Variants in BHLHE22 observed in about 807,000 individuals in gnomAD.
BHLHE22 encodes the protein basic helix-loop-helix family member e22, also known as class E basic helix-loop-helix protein 22.
BHLHE22 carries 8 observed loss-of-function variants against 17.6 expected under a neutral mutation model. The observed-to-expected ratio is 0.45, with a 90% CI of 0.27 to 0.82. BHLHE22 has a LOEUF of 0.82. BHLHE22 is among the 40% of genes least tolerant of loss of function. The pLI, the probability that BHLHE22 is intolerant of heterozygous loss-of-function variation, is 0.16. For synonymous variants in BHLHE22, 353 were observed against 282.7 expected, an observed-to-expected ratio of 1.25 and a Z score of -2.49; for missense variants, 570 against 581.5, an observed-to-expected ratio of 0.98 and a Z score of 0.20.
In BHLHE22 at chr8:64,581,753, G is replaced by A; in HGVS notation, c.963G>A (p.Leu321=). 1 of 1,598,056 alleles carries A rather than the reference G, an allele frequency of 6.3e-7. No homozygotes were observed. The highest frequency in any genetic ancestry group is 8.5e-7 in the Non-Finnish European group (1 of 1,174,564). The change falls in exon 1 of 1, where the codon CTG becomes CTA. Residue 321 remains leucine (L), a synonymous_variant. Transcript: ENST00000321870. The surrounding 1 kb of genome is among the most constrained non-coding windows in gnomAD (Gnocchi z 6.4). Reference sequence around the variant, plus strand: ...GCCAGGCCATCTCGGCTGCCTCCCTGCCCAGCTCGGCGGCTGCAGCGGCAG... The same window carrying A: ...GCCAGGCCATCTCGGCTGCCTCCCTACCCAGCTCGGCGGCTGCAGCGGCAG... The part of the protein sequence containing the change: ...NQGQAISAAS[L]PSSAAAAAAA...
rs1312583116 is a variant in BHLHE22 at position 64,581,193 on chromosome 8, CG to C, written c.407del (p.Gly136AlafsTer29). ...LCLKYGESAS[R>X]GSVAESSGGE... ...CCTCAAGTACGGCGAAAGCGCGAGC[CG>C]GGGCTCGGTGGCCGAGAGCAGCGGC... On this transcript the variant is annotated frameshift_variant, in exon 1 of 1. Transcript: ENST00000321870. LOFTEE classifies it high-confidence loss of function. This position sits in a 1 kb window ranked among gnomAD's most constrained non-coding sequence, Gnocchi z 6.4. 7.0e-7 allele frequency: 1 copy of C among 1,436,062 alleles called. No individual in the cohort carries two copies. The highest frequency in any genetic ancestry group is 2.8e-5 in the Admixed American group (1 of 35,164). The allele number at this position is 1,436,062 out of a possible 1,614,324, so 89.0% of individuals were successfully genotyped here. A position where few individuals can be genotyped will look rare whatever the true frequency, so the allele number is the denominator to read the frequency against.
At position 64,581,618 on chromosome 8, in the gene BHLHE22, G is replaced by T. The variant is rs555112888; in HGVS notation, c.828G>T (p.Ser276=). The T allele has an allele frequency of 6.2e-7, 1 of 1,613,152 alleles. No homozygotes were observed. Among genetic ancestry groups the T allele is most frequent in the Non-Finnish European group, 8.5e-7 (1 of 1,179,848 alleles). ...RAVIPYAHSP[S]VRKLSKIATL... is the part of the protein sequence containing the mutation. ...TGATCCCCTACGCGCACAGCCCCTC[G>T]GTGCGAAAGCTCTCCAAGATCGCCA... Residue 276 remains serine, a synonymous_variant, in exon 1 of 1, where the codon TCG becomes TCT. Transcript: ENST00000321870. The surrounding 1 kb of genome is among the most constrained non-coding windows in gnomAD (Gnocchi z 6.4).
chr8:64,580,693 C>A lies in BHLHE22; in HGVS notation c.-98C>A. 2 of 734,564 alleles carry A rather than the reference C, an allele frequency of 2.7e-6. No homozygotes were observed. Among genetic ancestry groups the A allele is most frequent in the Non-Finnish European group, 3.3e-6 (2 of 598,960 alleles). 45.5% of individuals were successfully genotyped at this position (734,564 alleles called of 1,614,324 possible). The stretch of plus-strand genomic sequence containing the variant: ...CCGACGCGCGCACCAGCTCCGGAGC[C>A]CAGCTCGCGCGCGTCTGTGGGGCCG... On this transcript the variant is annotated 5_prime_UTR_variant, in exon 1 of 1. Transcript: ENST00000321870.
chr8:64,580,830 G>T lies in BHLHE22; in HGVS notation c.40G>T (p.Glu14Ter). The T allele has an allele frequency of 6.8e-7, 1 of 1,469,654 alleles. No homozygotes were observed. Among genetic ancestry groups the T allele is most frequent in the East Asian group, 3.0e-5 (1 of 33,820 alleles). The allele number at this position is 1,469,654 out of a possible 1,614,324, so 91.0% of individuals were successfully genotyped here. A position where few individuals can be genotyped will look rare whatever the true frequency, so the allele number is the denominator to read the frequency against. ...GCACCTCGGTGCAGCGGCCGCCGGC[G>T]AGGACGACCTCTTCCTGCACAAGAG... is the stretch of plus-strand genomic sequence containing the variant. ...GMHLGAAAAGEDDLFLHKSLS... is the reference protein window; with the variant it reads ...GMHLGAAAAG Residue 14 changes from glutamate to a stop codon, truncating the protein, a stop_gained, in exon 1 of 1, where the codon GAG (glutamate) becomes TAG (stop). Transcript: ENST00000321870. LOFTEE classifies it high-confidence loss of function.
chr8:64,581,143 G>A lies in BHLHE22; in HGVS notation c.353G>A (p.Ser118Asn). The A allele has an allele frequency of 7.1e-7, 1 of 1,408,302 alleles. No individual in the cohort carries two copies. 87.2% of individuals were successfully genotyped at this position (1,408,302 alleles called of 1,614,324 possible). A position where few individuals can be genotyped will look rare whatever the true frequency, so the allele number is the denominator to read the frequency against. The change falls in exon 1 of 1, where the codon AGC (serine) becomes AAC (asparagine). Residue 118 changes from serine (S) to asparagine (N), a missense_variant. Around this residue, in one of 3 missense-constraint regions of BHLHE22, gnomAD observed 427 missense variants for 376.2 expected, o/e 1.14. Coordinates refer to ENST00000321870, the MANE Select transcript of BHLHE22 (RefSeq NM_152414.5). The surrounding 1 kb of genome is among the most constrained non-coding windows in gnomAD (Gnocchi z 6.4). ...AGVGGDPSLS[S>N]LPAGAALCLK... Reference sequence around the variant, plus strand: ...GTTGGGGGCGACCCTAGCCTAAGCAGCCTGCCGGCCGGGGCCGCCCTTTGC... The same window carrying A: ...GTTGGGGGCGACCCTAGCCTAAGCAACCTGCCGGCCGGGGCCGCCCTTTGC...
chr8:64,581,621 G>C lies in BHLHE22; in HGVS notation c.831G>C (p.Val277=). Residue 277 remains valine, a synonymous_variant, in exon 1 of 1, where the codon GTG becomes GTC. Coordinates refer to ENST00000321870, the MANE Select transcript of BHLHE22 (RefSeq NM_152414.5). The surrounding 1 kb of genome is among the most constrained non-coding windows in gnomAD (Gnocchi z 6.4). ...TCCCCTACGCGCACAGCCCCTCGGT[G>C]CGAAAGCTCTCCAAGATCGCCACGC... is the stretch of plus-strand genomic sequence containing the variant. ...AVIPYAHSPS[V]RKLSKIATLL... is the part of the protein sequence containing the mutation. 5 of 1,613,226 alleles carry C rather than the reference G, an allele frequency of 3.1e-6. No individual in the cohort carries two copies. The highest frequency in any genetic ancestry group is 4.2e-6 in the Non-Finnish European group (5 of 1,179,872).
chr8:64,582,151 G>A lies in BHLHE22; in HGVS notation c.*215G>A. The A allele has an allele frequency of 1.6e-6, 1 of 620,528 alleles. No homozygotes were observed. Among genetic ancestry groups the A allele is most frequent in the Non-Finnish European group, 2.8e-6 (1 of 356,704 alleles). The allele number at this position is 620,528 out of a possible 1,614,324, so 38.4% of individuals were successfully genotyped here. On this transcript the variant is annotated 3_prime_UTR_variant, in exon 1 of 1. Transcript: ENST00000321870. The stretch of plus-strand genomic sequence containing the variant: ...CTTTGGGGTGGGGAGGGAGGGAGGA[G>A]GGAGGTGGAGTTGGGATGGAGTATG...
At position 64,580,988 on chromosome 8, in the gene BHLHE22, G is replaced by T; in HGVS notation, c.198G>T (p.Glu66Asp). 1 of 1,358,546 alleles carries T rather than the reference G, an allele frequency of 7.4e-7. No homozygotes were observed. The highest frequency in any genetic ancestry group is 9.4e-7 in the Non-Finnish European group (1 of 1,062,036). 84.2% of individuals were successfully genotyped at this position (1,358,546 alleles called of 1,614,324 possible). ...CCTCGTCGCCCCTGGGCTGCTTCGA[G>T]CCGGCTGACCCCGAGGGGGCAGGGC... is the stretch of plus-strand genomic sequence containing the variant. ...SSSSSPLGCFEPADPEGAGLL... is the reference protein window; with the variant it reads ...SSSSSPLGCFDPADPEGAGLL... Residue 66 changes from glutamate to aspartate, a missense_variant, in exon 1 of 1, where the codon GAG becomes GAT. Transcript: ENST00000321870.
In BHLHE22 at chr8:64,581,323, C is replaced by G; in HGVS notation, c.533C>G (p.Ala178Gly). 1 of 1,431,814 alleles carries G rather than the reference C, an allele frequency of 7.0e-7. No individual in the cohort carries two copies. The highest frequency in any genetic ancestry group is 1.5e-5 in the South Asian group (1 of 67,562). The allele number at this position is 1,431,814 out of a possible 1,614,324, so 88.7% of individuals were successfully genotyped here. The change falls in exon 1 of 1, where the codon GCG becomes GGG. Residue 178 changes from alanine (A) to glycine (G), a missense_variant. Ala to Gly is a moderately conservative substitution (Grantham distance 60, BLOSUM62 0). Around this residue, in one of 3 missense-constraint regions of BHLHE22, gnomAD observed 427 missense variants for 376.2 expected, o/e 1.14. Transcript: ENST00000321870. This position sits in a 1 kb window ranked among gnomAD's most constrained non-coding sequence, Gnocchi z 6.4. ...TCCCCGGGAGCGGGAGGTGGTGGCG[C>G]GAAGGCAGCCGAGGGCTGCTCCAAT... ...RASPGAGGGG[A>G]KAAEGCSNAH...
At position 64,581,836 on chromosome 8, in the gene BHLHE22, T is replaced by A. The variant is rs2129629396; in HGVS notation, c.1046T>A (p.Phe349Tyr). The A allele has an allele frequency of 8.1e-6, 13 of 1,605,558 alleles. No individual in the cohort carries two copies. The highest frequency in any genetic ancestry group is 1.1e-5 in the Non-Finnish European group (13 of 1,178,688). ...GAYEQAAGYP[F>Y]SAGLPPAASC... is the part of the protein sequence containing the mutation. ...TACGAGCAGGCAGCCGGCTACCCGTTCAGCGCCGGACTGCCCCCGGCTGCC... is the reference window on the plus strand; with the variant it reads ...TACGAGCAGGCAGCCGGCTACCCGTACAGCGCCGGACTGCCCCCGGCTGCC... Residue 349 changes from phenylalanine to tyrosine, a missense_variant, in exon 1 of 1, where the codon TTC (phenylalanine) becomes TAC (tyrosine). By Grantham distance (22) the Phe-to-Tyr change is conservative. Coordinates refer to ENST00000321870, the MANE Select transcript of BHLHE22 (RefSeq NM_152414.5). The surrounding 1 kb of genome is among the most constrained non-coding windows in gnomAD (Gnocchi z 6.4).
rs758839125 is a variant in BHLHE22, at chr8:64,581,732, G to C, written c.942G>C (p.Gln314His). 2 of 1,602,738 alleles carry C rather than the reference G, an allele frequency of 1.2e-6. No homozygotes were observed. Residue 314 changes from glutamine (Q) to histidine (H), a missense_variant, in exon 1 of 1, where the codon CAG becomes CAC. By Grantham distance (24) the Gln-to-His change is conservative. Transcript: ENST00000321870. The surrounding 1 kb of genome is among the most constrained non-coding windows in gnomAD (Gnocchi z 6.4). ...RRLVAYLNQG[Q>H]AISAASLPSS... is the part of the protein sequence containing the mutation. ...TAGTCGCCTACCTCAACCAGGGCCA[G>C]GCCATCTCGGCTGCCTCCCTGCCCA...
Position 64,580,845 on chromosome 8 carries a change from C to G in BHLHE22, c.55C>G (p.Leu19Val). 1 of 1,495,132 alleles carries G rather than the reference C, an allele frequency of 6.7e-7. No homozygotes were observed. Among genetic ancestry groups the G allele is most frequent in the Non-Finnish European group, 8.8e-7 (1 of 1,130,472 alleles). The allele number at this position is 1,495,132 out of a possible 1,614,324, so 92.6% of individuals were successfully genotyped here. Reference sequence around the variant, plus strand: ...GGCCGCCGGCGAGGACGACCTCTTCCTGCACAAGAGCCTGAGCGCCTCCAC... The same window carrying G: ...GGCCGCCGGCGAGGACGACCTCTTCGTGCACAAGAGCCTGAGCGCCTCCAC... ...AAAAGEDDLF[L>V]HKSLSASTSK... is the part of the protein sequence containing the mutation. Residue 19 changes from leucine to valine, a missense_variant, in exon 1 of 1, where the codon CTG (leucine) becomes GTG (valine). Physicochemically the swap from Leu to Val is conservative, Grantham distance 32. Coordinates refer to ENST00000321870, the MANE Select transcript of BHLHE22 (RefSeq NM_152414.5).
In BHLHE22 at chr8:64,581,483, C is replaced by CAGT. The variant is rs1163823840; in HGVS notation, c.695_696insTAG (p.Ser234dup). On this transcript the variant is annotated inframe_insertion, in exon 1 of 1. Coordinates refer to ENST00000321870, the MANE Select transcript of BHLHE22 (RefSeq NM_152414.5). The surrounding 1 kb of genome is among the most constrained non-coding windows in gnomAD (Gnocchi z 6.4). ...GCGGCGGCAGCAGCAGCAGCAGCAG[C>CAGT]AGCAGCAGCAAGAAATCCAAAGAGC... is the stretch of plus-strand genomic sequence containing the variant. 1 of 1,562,848 alleles carries CAGT rather than the reference C, an allele frequency of 6.4e-7. No individual in the cohort carries two copies. The highest frequency in any genetic ancestry group is 1.4e-5 in the African/African-American group (1 of 73,754).
At position 64,580,882 on chromosome 8, in the gene BHLHE22, T is replaced by A; in HGVS notation, c.92T>A (p.Leu31Ter). The change falls in exon 1 of 1, where the codon TTG (leucine) becomes TAG (stop). Residue 31 changes from leucine to a stop codon, truncating the protein, a stop_gained. Transcript: ENST00000321870. LOFTEE classifies it high-confidence loss of function. Reference sequence around the variant, plus strand: ...CTGAGCGCCTCCACCTCCAAGCGCTTGGAAGCGGCTTTCCGCTCCACGCCC... The same window carrying A: ...CTGAGCGCCTCCACCTCCAAGCGCTAGGAAGCGGCTTTCCGCTCCACGCCC... ...KSLSASTSKR[L>*]EAAFRSTPPG... 6.6e-7 allele frequency: 1 copy of A among 1,520,562 alleles called. No individual in the cohort carries two copies. Among genetic ancestry groups the A allele is most frequent in the Non-Finnish European group, 8.7e-7 (1 of 1,144,960 alleles). 94.2% of individuals were successfully genotyped at this position (1,520,562 alleles called of 1,614,324 possible).
At position 64,581,463 on chromosome 8, in the gene BHLHE22, GGCAGCAGCAGCA is replaced by G. The variant is rs34265378; in HGVS notation, c.692_703del (p.Ser231_Ser234del). On this transcript the variant is annotated inframe_deletion, in exon 1 of 1. Transcript: ENST00000321870. The surrounding 1 kb of genome is among the most constrained non-coding windows in gnomAD (Gnocchi z 6.4). ...TGGCGGTAGCGGTAGCGGCAGCGGC[GGCAGCAGCAGCA>G]GCAGCAGCAGCAGCAGCAAGAAATC... 162 of 1,450,752 alleles carry G rather than the reference GGCAGCAGCAGCA, an allele frequency of 1.1e-4. 1 individual carries two copies. Among genetic ancestry groups the G allele is most frequent in the Middle Eastern group, 9.0e-4 (5 of 5,530 alleles). The allele number at this position is 1,450,752 out of a possible 1,614,324, so 89.9% of individuals were successfully genotyped here.
In BHLHE22 at chr8:64,582,129, T is replaced by G; in HGVS notation, c.*193T>G. On this transcript the variant is annotated 3_prime_UTR_variant, in exon 1 of 1. Transcript: ENST00000321870. ...TTGACATCCCCAGAATCTCGGTCTT[T>G]GGGGTGGGGAGGGAGGGAGGAGGGA... 13 of 414,852 alleles carry G rather than the reference T, an allele frequency of 3.1e-5. No homozygotes were observed. Among genetic ancestry groups the G allele is most frequent in the East Asian group, 7.9e-5 (1 of 12,724 alleles). 25.7% of individuals were successfully genotyped at this position (414,852 alleles called of 1,614,324 possible). A position where few individuals can be genotyped will look rare whatever the true frequency, so the allele number is the denominator to read the frequency against.
chr8:64,581,463 G>A lies in BHLHE22; in HGVS notation c.673G>A (p.Gly225Ser), dbSNP rs62519836. Reference protein sequence around the residue: ...GGGGSGSGSGGSSSSSSSSSK... With the variant: ...GGGGSGSGSGSSSSSSSSSSK... ...TGGCGGTAGCGGTAGCGGCAGCGGCGGCAGCAGCAGCAGCAGCAGCAGCAG... is the reference window on the plus strand; with the variant it reads ...TGGCGGTAGCGGTAGCGGCAGCGGCAGCAGCAGCAGCAGCAGCAGCAGCAG... Residue 225 changes from glycine (G) to serine (S), a missense_variant, in exon 1 of 1, where the codon GGC becomes AGC. Physicochemically the swap from Gly to Ser is moderately conservative, Grantham distance 56. Transcript: ENST00000321870. This position sits in a 1 kb window ranked among gnomAD's most constrained non-coding sequence, Gnocchi z 6.4. 1.2e-4 allele frequency: 174 copies of A among 1,450,700 alleles called. No homozygotes were observed. The highest frequency in any genetic ancestry group is 5.2e-4 in the South Asian group (43 of 82,970). 89.9% of individuals were successfully genotyped at this position (1,450,700 alleles called of 1,614,324 possible).
chr8:64,581,841 G>T lies in BHLHE22; in HGVS notation c.1051G>T (p.Ala351Ser), dbSNP rs1265951571. 1.9e-6 allele frequency: 3 copies of T among 1,606,114 alleles called. No individual in the cohort carries two copies. The highest frequency in any genetic ancestry group is 2.7e-5 in the African/African-American group (2 of 74,848). The change falls in exon 1 of 1, where the codon GCC becomes TCC. Residue 351 changes from alanine to serine, a missense_variant. Ala to Ser is a moderately conservative substitution (Grantham distance 99, BLOSUM62 1). Coordinates refer to ENST00000321870, the MANE Select transcript of BHLHE22 (RefSeq NM_152414.5). This position sits in a 1 kb window ranked among gnomAD's most constrained non-coding sequence, Gnocchi z 6.4. ...YEQAAGYPFSAGLPPAASCPE... is the reference protein window; with the variant it reads ...YEQAAGYPFSSGLPPAASCPE... ...GCAGGCAGCCGGCTACCCGTTCAGC[G>T]CCGGACTGCCCCCGGCTGCCTCCTG...
In BHLHE22 at chr8:64,581,942, C is replaced by G. The variant is rs767011407; in HGVS notation, c.*6C>G. 2 of 1,610,984 alleles carry G rather than the reference C, an allele frequency of 1.2e-6. No homozygotes were observed. The highest frequency in any genetic ancestry group is 2.7e-5 in the African/African-American group (2 of 74,904). ...AGTGCACGGAGAAGCCTTAAACACA[C>G]CCCCGAAAAACACAAGACCGACCCA... On this transcript the variant is annotated 3_prime_UTR_variant, in exon 1 of 1. Coordinates refer to ENST00000321870, the MANE Select transcript of BHLHE22 (RefSeq NM_152414.5). The surrounding 1 kb of genome is among the most constrained non-coding windows in gnomAD (Gnocchi z 6.4).
Sources: gnomAD v4.1 joint callset for allele counts on GRCh38, gnomAD v4.1.1 for gene constraint, gnomAD v4.1.1 regional missense constraint, Gnocchi (gnomAD v3.1) non-coding constraint, MANE v1.5 for transcripts, NCBI Gene and HGNC (gene_info 2026-07-23, HGNC 2026-07-21) for gene names.